EGR3: variants seen among roughly 807,000 people sequenced by gnomAD.
The protein encoded by EGR3 is early growth response 3, also known as early growth response protein 3.
EGR3 carries 4 observed loss-of-function variants against 22.4 expected under a neutral mutation model. That is an observed-to-expected ratio of 0.18 (90% confidence interval 0.09 to 0.41). EGR3 has a LOEUF of 0.41. Among genes scored for constraint, EGR3 ranks in the 10% least tolerant of loss-of-function variants. The probability of loss-of-function intolerance (pLI) is 1.00; values close to 1 mark genes in which losing one functional copy is unlikely to be tolerated. For synonymous variants in EGR3, 219 were observed against 226.8 expected (o/e 0.97, Z 0.31); for missense variants, 315 against 541.3 (o/e 0.58, Z 4.15).
chr8:22,691,840 C>T (rs1803975412), intron 1 of EGR3: 1 of 985,286 alleles, frequency 1.0e-6, no homozygotes, highest in Non-Finnish European at 1.2e-6. Flanking sequence ...ACCCGGAGCG[C>T]GCTGGGCTCT....
At position 22,693,028 on chromosome 8, in the gene EGR3, C is replaced by T. The variant is rs1456116257; in HGVS notation, c.-84G>A. 1.5e-6 allele frequency: 2 copies of T among 1,319,620 alleles called. No homozygotes were observed. Among genetic ancestry groups the T allele is most frequent in the Non-Finnish European group, 2.0e-6 (2 of 1,014,664 alleles). 81.7% of individuals were successfully genotyped at this position (1,319,620 alleles called of 1,614,324 possible). On this transcript the variant is annotated 5_prime_UTR_variant, in exon 1 of 2. Transcript: ENST00000317216. ...ACGCAGCTTCCAGGCAAGCGGCATC[C>T]GAGAGGCGATCCGTGGTGCAGGGGA...
rs1273269807 is a variant in EGR3, at chr8:22,693,080, G to C, written c.-136C>G. 9.8e-6 allele frequency: 11 copies of C among 1,119,094 alleles called. 1 individual carries two copies. The East Asian group carries it at 3.5e-4, about 35-fold the overall frequency. The allele number at this position is 1,119,094 out of a possible 1,614,324, so 69.3% of individuals were successfully genotyped here. On this transcript the variant is annotated 5_prime_UTR_variant, in exon 1 of 2. Coordinates refer to ENST00000317216, the MANE Select transcript of EGR3 (RefSeq NM_004430.3). ...AAGCATGCGAGAGGGAAAGTTCGGG[G>C]GGAGGGGGGAGGGAAGAAGGGAAGG...
chr8:22,688,529 C>G lies in EGR3; in HGVS notation c.*1944G>C, dbSNP rs1173461285. The G allele has an allele frequency of 6.6e-6, 1 of 152,424 alleles. No homozygotes were observed. The highest frequency in any genetic ancestry group is 1.5e-5 in the Non-Finnish European group (1 of 68,034). 9.4% of individuals were successfully genotyped at this position (152,424 alleles called of 1,614,324 possible). ...CACAACCCCCTGCTCTTCGATATCC[C>G]CCCTTTCCACTAGAGTCCTTTTAGT... On this transcript the variant is annotated 3_prime_UTR_variant, in exon 2 of 2. Coordinates refer to ENST00000317216, the MANE Select transcript of EGR3 (RefSeq NM_004430.3).
rs1292913772 is a variant in EGR3 at position 22,690,493 on chromosome 8, C to T, written c.1144G>A (p.Val382Met). 6.2e-7 allele frequency: 1 copy of T among 1,606,640 alleles called. No individual in the cohort carries two copies. Residue 382 changes from valine to methionine, a missense_variant, in exon 2 of 2, where the codon GTG becomes ATG. By Grantham distance (21) the Val-to-Met change is conservative (BLOSUM62 1). Transcript: ENST00000317216. ...GATCCTCAGGCGCAGGTGGTGACCA[C>T]GGGGGCCAGCGACACGGGGGGCGCC... ...SSAPPVSLAP[V>M]VTTCA is the part of the protein sequence containing the mutation.
chr8:22,693,022 G>C lies in EGR3; in HGVS notation c.-78C>G. 1 of 1,542,412 alleles carries C rather than the reference G, an allele frequency of 6.5e-7. No homozygotes were observed. The highest frequency in any genetic ancestry group is 1.1e-5 in the South Asian group (1 of 87,218). On this transcript the variant is annotated 5_prime_UTR_variant, in exon 1 of 2. Transcript: ENST00000317216. ...CTCCTAACGCAGCTTCCAGGCAAGCGGCATCCGAGAGGCGATCCGTGGTGC... is the reference window on the plus strand; with the variant it reads ...CTCCTAACGCAGCTTCCAGGCAAGCCGCATCCGAGAGGCGATCCGTGGTGC...
chr8:22,692,096 C>T lies in EGR3; in HGVS notation c.155-614G>A. Reference sequence around the variant, plus strand: ...TTAGGCTCTTGCTGGAGGGGAAAATCCTAGCCCCAGCTAGGGAGGGTGGAG... The same window carrying T: ...TTAGGCTCTTGCTGGAGGGGAAAATTCTAGCCCCAGCTAGGGAGGGTGGAG... On this transcript the variant is annotated intron_variant, in intron 1 of 1. Transcript: ENST00000317216. The surrounding 1 kb of genome is among the most constrained non-coding windows in gnomAD (Gnocchi z 6.2). The T allele has an allele frequency of 7.4e-7, 1 of 1,359,364 alleles. No homozygotes were observed. Among genetic ancestry groups the T allele is most frequent in the Non-Finnish European group, 9.4e-7 (1 of 1,060,292 alleles). 84.2% of individuals were successfully genotyped at this position (1,359,364 alleles called of 1,614,324 possible).
In EGR3 at chr8:22,692,471, G is replaced by T. The variant is rs1804004762; in HGVS notation, c.154+320C>A. 7.0e-7 allele frequency: 1 copy of T among 1,424,754 alleles called. No individual in the cohort carries two copies. Among genetic ancestry groups the T allele is most frequent in the Non-Finnish European group, 9.1e-7 (1 of 1,094,246 alleles). 88.3% of individuals were successfully genotyped at this position (1,424,754 alleles called of 1,614,324 possible). ...GCGATCGGGCCCCCTGCGTGGTGAGGGAGAACCCCAGAGCCGCTCGCACCT... is the reference window on the plus strand; with the variant it reads ...GCGATCGGGCCCCCTGCGTGGTGAGTGAGAACCCCAGAGCCGCTCGCACCT... On this transcript the variant is annotated intron_variant, in intron 1 of 1. Coordinates refer to ENST00000317216, the MANE Select transcript of EGR3 (RefSeq NM_004430.3). This position sits in a 1 kb window ranked among gnomAD's most constrained non-coding sequence, Gnocchi z 6.2.
At chr8:22,691,941 C>T in intron 1 of EGR3, 1 of 1,239,160 alleles carries the variant, frequency 8.1e-7, no homozygotes, top group Non-Finnish European at 1.0e-6. Context: ...GCCCCCCACG[C>T]GCGCTGCTCC....
rs1185254950 is a variant in EGR3, at chr8:22,687,984, A to G, written c.*2489T>C. On this transcript the variant is annotated 3_prime_UTR_variant, in exon 2 of 2. Coordinates refer to ENST00000317216, the MANE Select transcript of EGR3 (RefSeq NM_004430.3). This position sits in a 1 kb window ranked among gnomAD's most constrained non-coding sequence, Gnocchi z 4.7. The stretch of plus-strand genomic sequence containing the variant: ...AATAAAAACATCCACAAAATATATT[A>G]CATCTGGTTTGTCTTTTTTCTAAGT... 6.5e-6 allele frequency: 1 copy of G among 152,676 alleles called. No homozygotes were observed. The highest frequency in any genetic ancestry group is 1.5e-5 in the Non-Finnish European group (1 of 68,050). 9.5% of individuals were successfully genotyped at this position (152,676 alleles called of 1,614,324 possible). A position where few individuals can be genotyped will look rare whatever the true frequency, so the allele number is the denominator to read the frequency against.
chr8:22,691,232 A>G lies in EGR3; in HGVS notation c.405T>C (p.Gly135=). ...STASMVQPPQ[G]DVEAMYPALP... is the part of the protein sequence containing the mutation. ...GCGCGGGATACATGGCCTCCACGTC[A>G]CCCTGCGGTGGCTGCACCATGCTGG... Residue 135 remains glycine, a synonymous_variant, in exon 2 of 2, where the codon GGT becomes GGC. Coordinates refer to ENST00000317216, the MANE Select transcript of EGR3 (RefSeq NM_004430.3). 1 of 1,613,708 alleles carries G rather than the reference A, an allele frequency of 6.2e-7. No individual in the cohort carries two copies. Among genetic ancestry groups the G allele is most frequent in the Non-Finnish European group, 8.5e-7 (1 of 1,179,956 alleles).
chr8:22,690,641 G>C lies in EGR3; in HGVS notation c.996C>G (p.Pro332=), dbSNP rs1803919900. The C allele has an allele frequency of 1.2e-6, 2 of 1,614,122 alleles. No homozygotes were observed. Among genetic ancestry groups the C allele is most frequent in the Non-Finnish European group, 1.7e-6 (2 of 1,179,986 alleles). The change falls in exon 2 of 2, where the codon CCC becomes CCG. Residue 332 remains proline, a synonymous_variant. Coordinates refer to ENST00000317216, the MANE Select transcript of EGR3 (RefSeq NM_004430.3). The part of the protein sequence containing the change: ...THIRTHTGEK[P]FACEFCGRKF... ...TGCGCCCGCAGAACTCGCAGGCAAAGGGCTTCTCGCCCGTATGAGTGCGGA... is the reference window on the plus strand; with the variant it reads ...TGCGCCCGCAGAACTCGCAGGCAAACGGCTTCTCGCCCGTATGAGTGCGGA...
rs1175061148 is a variant in EGR3, at chr8:22,692,428, C to T, written c.154+363G>A. On this transcript the variant is annotated intron_variant, in intron 1 of 1. Transcript: ENST00000317216. The surrounding 1 kb of genome is among the most constrained non-coding windows in gnomAD (Gnocchi z 6.2). Reference sequence around the variant, plus strand: ...TCCCGGGAAGAGGGCGACAGCACCACGCCTTGCGCGTAGCCCGGCGATCGG... The same window carrying T: ...TCCCGGGAAGAGGGCGACAGCACCATGCCTTGCGCGTAGCCCGGCGATCGG... 1.4e-6 allele frequency: 2 copies of T among 1,428,952 alleles called. No homozygotes were observed. The highest frequency in any genetic ancestry group is 1.8e-6 in the Non-Finnish European group (2 of 1,096,372). 88.5% of individuals were successfully genotyped at this position (1,428,952 alleles called of 1,614,324 possible).
chr8:22,691,494 G>C lies in EGR3; in HGVS notation c.155-12C>G, dbSNP rs772418656. The C allele has an allele frequency of 8.7e-6, 14 of 1,610,220 alleles. No individual in the cohort carries two copies. Among genetic ancestry groups the C allele is most frequent in the South Asian group, 4.4e-5 (4 of 91,016 alleles). ...GTCCATTACATTCTCTGCGGAGAGC[G>C]GGGGAGAGAGGGGAGGGGTGAGTGA... On this transcript the variant is annotated splice_polypyrimidine_tract_variant and intron_variant, in intron 1 of 1. Coordinates refer to ENST00000317216, the MANE Select transcript of EGR3 (RefSeq NM_004430.3).
chr8:22,690,330 A>G lies in EGR3; in HGVS notation c.*143T>C. 1.4e-6 allele frequency: 1 copy of G among 695,582 alleles called. No homozygotes were observed. The highest frequency in any genetic ancestry group is 2.3e-6 in the Non-Finnish European group (1 of 425,590). 43.1% of individuals were successfully genotyped at this position (695,582 alleles called of 1,614,324 possible). A position where few individuals can be genotyped will look rare whatever the true frequency, so the allele number is the denominator to read the frequency against. ...GCGTGAAAGGTTGGGAACCGGGGGC[A>G]TCGAAGGGGAAGCAAGGGGCCGCAC... On this transcript the variant is annotated 3_prime_UTR_variant, in exon 2 of 2. Coordinates refer to ENST00000317216, the MANE Select transcript of EGR3 (RefSeq NM_004430.3).
Position 22,692,125 on chromosome 8 carries a change from G to C in EGR3, c.155-643C>G. The C allele has an allele frequency of 7.3e-7, 1 of 1,364,926 alleles. No individual in the cohort carries two copies. Among genetic ancestry groups the C allele is most frequent in the Non-Finnish European group, 9.4e-7 (1 of 1,063,300 alleles). 84.6% of individuals were successfully genotyped at this position (1,364,926 alleles called of 1,614,324 possible). On this transcript the variant is annotated intron_variant, in intron 1 of 1. Transcript: ENST00000317216. This position sits in a 1 kb window ranked among gnomAD's most constrained non-coding sequence, Gnocchi z 6.2. ...GCCCCAGCTAGGGAGGGTGGAGAGC[G>C]GCGGAAAACCGGCCGGTGTCTCCAT...
In EGR3 at chr8:22,688,147, C is replaced by G. The variant is rs1249627976; in HGVS notation, c.*2326G>C. 1 of 151,764 alleles carries G rather than the reference C, an allele frequency of 6.6e-6. No individual in the cohort carries two copies. Among genetic ancestry groups the G allele is most frequent in the Non-Finnish European group, 1.5e-5 (1 of 67,892 alleles). 9.4% of individuals were successfully genotyped at this position (151,764 alleles called of 1,614,324 possible). ...TGCTTTTTTTTTTTAAACATGCAGA[C>G]ATATAAAAAATCTGGATAGCACAAC... On this transcript the variant is annotated 3_prime_UTR_variant, in exon 2 of 2. Transcript: ENST00000317216.
chr8:22,690,587 G>A lies in EGR3; in HGVS notation c.1050C>T (p.Arg350=), dbSNP rs200159562. ...RKFARSDERK[R]HAKIHLKQKE... ...TTTGCTTGAGGTGGATCTTGGCGTG[G>A]CGCTTGCGCTCGTCGCTGCGCGCAA... The change falls in exon 2 of 2, where the codon CGC becomes CGT. Residue 350 remains arginine, a synonymous_variant. Coordinates refer to ENST00000317216, the MANE Select transcript of EGR3 (RefSeq NM_004430.3). The A allele has an allele frequency of 1.2e-6, 2 of 1,613,700 alleles. No homozygotes were observed. Among genetic ancestry groups the A allele is most frequent in the Admixed American group, 1.7e-5 (1 of 60,018 alleles).
At chr8:22,691,980 C>G in intron 1 of EGR3, 1 of 1,267,692 alleles carries the variant, frequency 7.9e-7, no homozygotes, top group Admixed American at 3.8e-5. Context: ...CGCTCCGACG[C>G]TTTGTCCTCG....
In EGR3 at chr8:22,692,536, C is replaced by T; in HGVS notation, c.154+255G>A. 6 of 1,426,768 alleles carry T rather than the reference C, an allele frequency of 4.2e-6. No individual in the cohort carries two copies. Among genetic ancestry groups the T allele is most frequent in the Non-Finnish European group, 5.5e-6 (6 of 1,094,516 alleles). 88.4% of individuals were successfully genotyped at this position (1,426,768 alleles called of 1,614,324 possible). On this transcript the variant is annotated intron_variant, in intron 1 of 1. Transcript: ENST00000317216. The surrounding 1 kb of genome is among the most constrained non-coding windows in gnomAD (Gnocchi z 6.2). Reference sequence around the variant, plus strand: ...GGCGGCTGCCCCCACCCGGGAGAACCGAAGCCTCTACCGTGGCGTCGCCAA... The same window carrying T: ...GGCGGCTGCCCCCACCCGGGAGAACTGAAGCCTCTACCGTGGCGTCGCCAA...
Sources: allele counts gnomAD v4.1 joint callset, GRCh38; gene constraint gnomAD v4.1.1; non-coding constraint Gnocchi (gnomAD v3.1); transcripts MANE v1.5; gene names NCBI Gene and HGNC (gene_info 2026-07-23, HGNC 2026-07-21).